The following IGSF21 variants were observed in gnomAD, a reference collection of about 807,000 sequenced individuals.
IGSF21 encodes immunoglobulin superfamily member 21.
Under a neutral mutation model 46.8 loss-of-function variants are expected in IGSF21, and 28 were observed. The observed-to-expected ratio is 0.60, with a 90% CI of 0.44 to 0.82. IGSF21 has a LOEUF of 0.82. Ranked by LOEUF, IGSF21 falls within the 40% of genes least tolerant of loss-of-function variation. The probability of loss-of-function intolerance (pLI) is 0.00; values close to 1 mark genes in which losing one functional copy is unlikely to be tolerated. For missense variants in IGSF21, 624 were observed against 665.5 expected, an observed-to-expected ratio of 0.94 and a Z score of 0.69; for synonymous variants, 284 against 273.6, an observed-to-expected ratio of 1.04 and a Z score of -0.38.
intron 4 of IGSF21, among the ~76,000 whole-genome samples, chr1:18,340,163 A>G (rs1277396261): frequency 1.3e-5 from 2 of 152,166 alleles, no homozygotes; most frequent in East Asian, 3.8e-4. Context: ...TTGAGCACCT[A>G]GTACATTGCA....
intron 2 of IGSF21, among the ~76,000 whole-genome samples, chr1:18,283,731 C>A (rs1018858325): frequency 6.6e-6 from 1 of 152,008 alleles, no homozygotes; most frequent in African/African-American, 2.4e-5. Context: ...CCCCCCTGCC[C>A]GAAACTAAAG....
chr1:18,327,304 G>T (rs968698390), intron 3 of IGSF21, among the ~76,000 whole-genome samples: 1 of 152,172 alleles, frequency 6.6e-6, no homozygotes, highest in African/African-American at 2.4e-5. Context: ...AAAAACTCAT[G>T]AAAAACCAAG....
intron 2 of IGSF21, among the ~76,000 whole-genome samples, chr1:18,253,016 C>T (rs550326939): frequency 2.0e-5 from 3 of 152,256 alleles, no homozygotes; most frequent in African/African-American, 4.8e-5. Flanking sequence ...GCCTCCTCTC[C>T]TCACCTTCCC....
chr1:18,123,478 T>C (rs1375653948), intron 1 of IGSF21, among the ~76,000 whole-genome samples: 1 of 152,184 alleles, frequency 6.6e-6, no homozygotes, highest in African/African-American at 2.4e-5. Context: ...CTCAAGGAAT[T>C]CATAGTCTCT....
chr1:18,197,204 A>G (rs2087018371), intron 1 of IGSF21, among the ~76,000 whole-genome samples: 1 of 152,162 alleles, frequency 6.6e-6, no homozygotes, highest in Non-Finnish European at 1.5e-5. Context: ...CTGTCCCTTC[A>G]CAAGGTCATG....
At chr1:18,248,067 G>C (rs1365959701) in intron 2 of IGSF21, among the ~76,000 whole-genome samples, 1 of 152,252 alleles carries the variant, frequency 6.6e-6, no homozygotes, top group Non-Finnish European at 1.5e-5. Flanking sequence ...AAGGATAGAA[G>C]TGTCTACACT....
chr1:18,160,864 G>A (rs1041390651), intron 1 of IGSF21, among the ~76,000 whole-genome samples: 5 of 152,182 alleles, frequency 3.3e-5, no homozygotes, highest in African/African-American at 1.2e-4. Flanking sequence ...GGGCTCTGAC[G>A]GTTAGGACCA....
chr1:18,209,521 C>G (rs2084367611), intron 1 of IGSF21, among the ~76,000 whole-genome samples: 1 of 151,824 alleles, frequency 6.6e-6, no homozygotes. Flanking sequence ...ATGGGGTGAC[C>G]TTGGCTCACT....
chr1:18,344,974 C>T (rs1234431352), intron 4 of IGSF21, among the ~76,000 whole-genome samples: 1 of 152,184 alleles, frequency 6.6e-6, no homozygotes, highest in Non-Finnish European at 1.5e-5. Flanking sequence ...GGGATCCAGG[C>T]CAGAGCTGCA....
intron 1 of IGSF21, among the ~76,000 whole-genome samples, chr1:18,108,829 C>T (rs2086115553): frequency 6.7e-6 from 1 of 149,938 alleles, no homozygotes; most frequent in African/African-American, 2.5e-5. Flanking sequence ...TGACACTGGA[C>T]AAGAGTCTGC....
rs189606600 is a variant in IGSF21, at chr1:18,206,450, G to A, written c.71-21448G>A. Among the ~76,000 whole-genome samples the A allele has an allele frequency of 2.4e-3, 361 of 151,926 alleles. 2 individuals carry two copies. Among genetic ancestry groups the A allele is most frequent in the African/African-American group, 8.0e-3 (332 of 41,404 alleles). On this transcript the variant is annotated intron_variant, in intron 1 of 9. Transcript: ENST00000251296. ...TGTAATCCCAGCTACTGGGGAGGCT[G>A]AGGTGGGAGGATTGCTTGAGCCCAC...
chr1:18,156,689 A>G (rs2086572923), intron 1 of IGSF21, among the ~76,000 whole-genome samples: 1 of 152,196 alleles, frequency 6.6e-6, no homozygotes, highest in Non-Finnish European at 1.5e-5. Context: ...AAGATTCCAA[A>G]CAAGTTGAGC....
intron 2 of IGSF21, among the ~76,000 whole-genome samples, chr1:18,279,417 G>A (rs1319231937): frequency 6.6e-6 from 1 of 152,156 alleles, no homozygotes; most frequent in East Asian, 1.9e-4. Context: ...CAATGAGTAG[G>A]GCCTGCATAT....
At chr1:18,162,719 G>A (rs2086638955) in intron 1 of IGSF21, among the ~76,000 whole-genome samples, 1 of 152,206 alleles carries the variant, frequency 6.6e-6, no homozygotes, top group Non-Finnish European at 1.5e-5. Context: ...AGGAGCGTCT[G>A]CATATTAGGG....
intron 4 of IGSF21, among the ~76,000 whole-genome samples, chr1:18,351,715 G>T (rs975033560): frequency 6.6e-6 from 1 of 152,172 alleles, no homozygotes; most frequent in Non-Finnish European, 1.5e-5. Context: ...TCGCCCGTGT[G>T]TGTAATACTC....
intron 2 of IGSF21, among the ~76,000 whole-genome samples, chr1:18,263,271 T>C (rs182866666): frequency 6.6e-6 from 1 of 152,204 alleles, no homozygotes; most frequent in African/African-American, 2.4e-5. Flanking sequence ...GGACTCTTAC[T>C]GCCTGGGAGC....
At chr1:18,172,460 C>G (rs1360590260) in intron 1 of IGSF21, among the ~76,000 whole-genome samples, 2 of 152,166 alleles carry the variant, frequency 1.3e-5, no homozygotes, top group African/African-American at 4.8e-5. Context: ...GTTCTGGAGG[C>G]TGGAAGTCTG....
At chr1:18,145,119 C>T (rs72942389) in intron 1 of IGSF21, among the ~76,000 whole-genome samples, 4,811 of 152,174 alleles carry the variant, frequency 0.032, 188 homozygotes, top group African/African-American at 0.093. Context: ...GACTGCTGCT[C>T]GTGGCATGGT....
At chr1:18,155,744 G>C (rs959085126) in intron 1 of IGSF21, among the ~76,000 whole-genome samples, 1 of 152,204 alleles carries the variant, frequency 6.6e-6, no homozygotes, top group Non-Finnish European at 1.5e-5. Flanking sequence ...GAGGGGAGCC[G>C]GGAAGGGCTG....
Sources: allele counts gnomAD v4.1 joint callset (sites outside exome capture counted in the v4.1 genomes callset), GRCh38; gene constraint gnomAD v4.1.1; transcripts MANE v1.5; gene names NCBI Gene and HGNC (gene_info 2026-07-23, HGNC 2026-07-21).